BTG4: variants seen among roughly 807,000 people sequenced by gnomAD.
BTG4 encodes protein BTG4.
A neutral mutation model predicts 19.3 loss-of-function variants in BTG4; 10 were observed. That is an observed-to-expected ratio of 0.52 (90% CI 0.32 to 0.88). The LOEUF is 0.88. BTG4 is among the 40% of genes least tolerant of loss of function. The probability of loss-of-function intolerance (pLI) is 0.04; values close to 1 mark genes in which losing one functional copy is unlikely to be tolerated. For missense variants in BTG4, 238 were observed against 281.9 expected (o/e 0.84, Z 1.11); for synonymous variants, 91 against 95.7 (o/e 0.95, Z 0.29).
rs764389963 is a variant in BTG4 at position 111,495,127 on chromosome 11, T to C, written c.*8A>G. ...GAGCTCTTGCCCACCACGTGCCCAG[T>C]CGCTGCGTCATCGGTGTGTGTTGAC... On this transcript the variant is annotated 3_prime_UTR_variant, in exon 5 of 5. Coordinates refer to ENST00000692032, the MANE Select transcript of BTG4 (RefSeq NM_001367975.1). The C allele has an allele frequency of 6.6e-7, 1 of 1,524,564 alleles. No homozygotes were observed. The highest frequency in any genetic ancestry group is 8.8e-7 in the Non-Finnish European group (1 of 1,138,056). The allele number at this position is 1,524,564 out of a possible 1,614,324, so 94.4% of individuals were successfully genotyped here. A position where few individuals can be genotyped will look rare whatever the true frequency, so the allele number is the denominator to read the frequency against.
the BTG4 span, among the ~76,000 whole-genome samples, chr11:111,387,330 T>C: frequency 6.6e-6 from 1 of 152,236 alleles, no homozygotes; most frequent in Admixed American, 6.5e-5. Context: ...GACAGCTGGA[T>C]GGCAGGTTCT....
downstream of BTG4, among the ~76,000 whole-genome samples, chr11:111,464,958 ACCC>A (rs1863633499): frequency 1.3e-5 from 2 of 152,062 alleles, no homozygotes; most frequent in Non-Finnish European, 2.9e-5. Context: ...TTGGGACTTC[ACCC>A]CATACCAGCC....
chr11:111,493,038 C>T (rs1437051596), downstream of BTG4, among the ~76,000 whole-genome samples: 2 of 152,084 alleles, frequency 1.3e-5, no homozygotes, highest in African/African-American at 4.8e-5. Flanking sequence ...CCCAGCTACT[C>T]TGGAGGCTGA....
upstream of BTG4, chr11:111,514,711 G>C (rs1867149017): frequency 8.2e-7 from 1 of 1,221,402 alleles, no homozygotes; most frequent in African/African-American, 1.7e-5. Flanking sequence ...CCAACTTGGC[G>C]GTTCTCGGAG....
At chr11:111,416,285 T>C in the BTG4 span, 1 of 152,012 alleles carries the variant, frequency 6.6e-6, no homozygotes, top group South Asian at 2.1e-4. Flanking sequence ...GAAAACAAAC[T>C]GGGCCTCTCT....
At chr11:111,482,790 A>C (rs141010442) in intron 5 of BTG4, among the ~76,000 whole-genome samples, 5 of 152,066 alleles carry the variant, frequency 3.3e-5, no homozygotes, top group African/African-American at 9.6e-5. Flanking sequence ...CATACAAAAA[A>C]TTAACTCAAA....
downstream of BTG4, among the ~76,000 whole-genome samples, chr11:111,492,716 G>A (rs966033069): frequency 2.6e-5 from 4 of 152,294 alleles, no homozygotes; most frequent in East Asian, 7.7e-4. Context: ...GGGGCAGACA[G>A]AATGCTGTAA....
At chr11:111,447,615 G>C in the BTG4 span, among the ~76,000 whole-genome samples, 2 of 152,192 alleles carry the variant, frequency 1.3e-5, no homozygotes, top group African/African-American at 4.8e-5. Context: ...GAAGGAAAAG[G>C]AGATAGGAGA....
chr11:111,504,673 C>T (rs886680690), intron 1 of BTG4, among the ~76,000 whole-genome samples: 3 of 152,004 alleles, frequency 2.0e-5, no homozygotes, highest in Admixed American at 1.3e-4. Flanking sequence ...AAGTAGAAGT[C>T]AAATTATCTC....
At chr11:111,493,472 C>T (rs1313912799), downstream of BTG4, among the ~76,000 whole-genome samples, 1 of 152,188 alleles carries the variant, frequency 6.6e-6, no homozygotes, top group African/African-American at 2.4e-5. Context: ...AGTACATTCA[C>T]ATACATGCCA....
At chr11:111,512,802 TG>T (rs1279796228), upstream of BTG4, 2 of 253,716 alleles carry the variant, frequency 7.9e-6, no homozygotes, top group Non-Finnish European at 1.6e-5. Context: ...GGGGTCCCGC[TG>T]GGCCCGGGGG....
downstream of BTG4, among the ~76,000 whole-genome samples, chr11:111,465,855 T>C (rs1863690409): frequency 6.6e-6 from 1 of 152,188 alleles, no homozygotes; most frequent in African/African-American, 2.4e-5. Flanking sequence ...ATTTTGGCTT[T>C]TGGCTAACAA....
At chr11:111,419,519 GAGAA>G in the BTG4 span, among the ~76,000 whole-genome samples, 1 of 152,244 alleles carries the variant, frequency 6.6e-6, no homozygotes, top group Non-Finnish European at 1.5e-5. Flanking sequence ...ATACGGAAGA[GAGAA>G]AGAAACATGT....
chr11:111,432,307 A>C, the BTG4 span, among the ~76,000 whole-genome samples: 6,136 of 152,184 alleles, frequency 0.04, 411 homozygotes, highest in African/African-American at 0.14. Flanking sequence ...CCAAACAAAC[A>C]CACAGCAAGC....
the BTG4 span, among the ~76,000 whole-genome samples, chr11:111,391,837 T>C: frequency 1.3e-5 from 2 of 152,098 alleles, no homozygotes; most frequent in African/African-American, 4.8e-5. Context: ...GGTGGGAGGT[T>C]AGAGAGAGTC....
chr11:111,504,791 G>T (rs1296506522), intron 1 of BTG4, among the ~76,000 whole-genome samples: 1 of 151,972 alleles, frequency 6.6e-6, no homozygotes, highest in Non-Finnish European at 1.5e-5. Context: ...CAAAATCAAT[G>T]TACAAAAATC....
At chr11:111,481,552 T>C (rs976481744) in intron 5 of BTG4, among the ~76,000 whole-genome samples, 10 of 151,816 alleles carry the variant, frequency 6.6e-5, no homozygotes, top group Non-Finnish European at 1.2e-4. Flanking sequence ...ATATATTTCA[T>C]GAATATAAAT....
intron 1 of BTG4, among the ~76,000 whole-genome samples, chr11:111,503,382 G>C (rs1324415998): frequency 6.6e-6 from 1 of 152,182 alleles, no homozygotes; most frequent in African/African-American, 2.4e-5. Flanking sequence ...GACCAACCTG[G>C]TCTGGCCTAA....
intron 5 of BTG4, among the ~76,000 whole-genome samples, chr11:111,488,341 C>T (rs575724): frequency 0.87 from 132,436 of 152,194 alleles, 59,273 homozygotes; most frequent in East Asian, 1. Flanking sequence ...GTGCAAAGAA[C>T]ATACACTAGG....
Sources: gnomAD v4.1 joint callset for allele counts (sites outside exome capture counted in the v4.1 genomes callset) on GRCh38, gnomAD v4.1.1 for gene constraint, MANE v1.5 for transcripts, NCBI Gene and HGNC (gene_info 2026-07-23, HGNC 2026-07-21) for gene names.